Variants in ITGBL1 observed in about 807,000 individuals in gnomAD.
The protein encoded by ITGBL1 is integrin beta-like protein 1.
Under a neutral mutation model 68.5 loss-of-function variants are expected in ITGBL1, and 51 were observed. The observed-to-expected ratio is 0.74, with a 90% CI of 0.59 to 0.94. ITGBL1 has a LOEUF of 0.94. ITGBL1 is among the 40% of genes least tolerant of loss of function. The pLI is 0.00. For missense variants in ITGBL1, 649 were observed against 647.4 expected, an observed-to-expected ratio of 1.00 and a Z score of -0.03; for synonymous variants, 209 against 227.3, an observed-to-expected ratio of 0.92 and a Z score of 0.72.
At chr13:101,554,023 C>T (rs2049964759) in intron 2 of ITGBL1, among the ~76,000 whole-genome samples, 1 of 152,154 alleles carries the variant, frequency 6.6e-6, no homozygotes, top group African/African-American at 2.4e-5. Context: ...ATCCTCCTGT[C>T]TCGGCCTCCC....
chr13:101,699,326 T>C (rs755408481), intron 8 of ITGBL1, among the ~76,000 whole-genome samples: 1 of 152,176 alleles, frequency 6.6e-6, no homozygotes, highest in Non-Finnish European at 1.5e-5. Context: ...GAACCCCATC[T>C]CTCTCTTCTG....
At chr13:101,610,379 G>A (rs1424863854) in intron 7 of ITGBL1, among the ~76,000 whole-genome samples, 2 of 152,074 alleles carry the variant, frequency 1.3e-5, no homozygotes, top group Non-Finnish European at 2.9e-5. Flanking sequence ...CAGAACCTGC[G>A]ATGCCCCTCT....
chr13:101,709,387 AAAAAAAAAAAAG>A (rs2034354027), intron 9 of ITGBL1, among the ~76,000 whole-genome samples: 1 of 149,340 alleles, frequency 6.7e-6, no homozygotes, highest in African/African-American at 2.5e-5. Flanking sequence ...AAAAAAAAAA[AAAAAAAAAAAAG>A]AAAAGCAGGA....
chr13:101,696,536 C>A (rs2139565063), intron 8 of ITGBL1, among the ~76,000 whole-genome samples: 1 of 152,228 alleles, frequency 6.6e-6, no homozygotes, highest in East Asian at 1.9e-4. Context: ...TCTCCTAGTC[C>A]TTATTGTCAC....
chr13:101,641,598 C>A (rs1170426634), intron 7 of ITGBL1, among the ~76,000 whole-genome samples: 6 of 148,424 alleles, frequency 4.0e-5, no homozygotes, highest in African/African-American at 1.5e-4. Context: ...TTTTAGGGTA[C>A]ATGTGCACAA....
At chr13:101,656,791 A>G (rs114194686) in intron 7 of ITGBL1, among the ~76,000 whole-genome samples, 131 of 152,276 alleles carry the variant, frequency 8.6e-4, no homozygotes, top group African/African-American at 2.8e-3. Flanking sequence ...TTGCAGCTCC[A>G]AGTCTACATC....
intron 8 of ITGBL1, among the ~76,000 whole-genome samples, chr13:101,695,032 G>T (rs1307211091): frequency 6.6e-6 from 1 of 152,170 alleles, no homozygotes. Context: ...TTATGGTTGA[G>T]CGTGAAGGGA....
intron 7 of ITGBL1, among the ~76,000 whole-genome samples, chr13:101,646,313 A>G (rs2032558027): frequency 6.8e-6 from 1 of 147,274 alleles, no homozygotes; most frequent in African/African-American, 2.7e-5. Context: ...GTTGTATTTC[A>G]GTTAAAAAAA....
intron 7 of ITGBL1, among the ~76,000 whole-genome samples, chr13:101,600,881 A>G (rs1316009801): frequency 6.6e-6 from 1 of 152,106 alleles, no homozygotes; most frequent in Non-Finnish European, 1.5e-5. Context: ...TTCATCAGGG[A>G]TATTGGTCTA....
Position 101,700,038 on chromosome 13 carries a change from C to A in ITGBL1, c.1133-6718C>A, listed in dbSNP as rs527804501. ...TGGGGTCCCCAAGACTAATTTCTCCCTGGATAGCTGCTTCACTTCTAGGGC... is the reference window on the plus strand; with the variant it reads ...TGGGGTCCCCAAGACTAATTTCTCCATGGATAGCTGCTTCACTTCTAGGGC... On this transcript the variant is annotated intron_variant, in intron 8 of 10. Transcript: ENST00000376180. Among the ~76,000 whole-genome samples, 5 of 152,312 alleles carry A rather than the reference C, an allele frequency of 3.3e-5. No individual in the cohort carries two copies. The East Asian group carries it at 9.6e-4, about 29-fold the overall frequency.
chr13:101,555,606 C>G (rs143097982), intron 2 of ITGBL1, among the ~76,000 whole-genome samples: 1 of 152,022 alleles, frequency 6.6e-6, no homozygotes, highest in Non-Finnish European at 1.5e-5. Context: ...ACAGACAACG[C>G]ACACAAGAAA....
intron 7 of ITGBL1, among the ~76,000 whole-genome samples, chr13:101,680,145 G>A (rs992955025): frequency 6.6e-6 from 1 of 152,162 alleles, no homozygotes; most frequent in African/African-American, 2.4e-5. Context: ...GAAGATTACT[G>A]TATTCGCACA....
At chr13:101,642,616 T>G (rs964661406) in intron 7 of ITGBL1, among the ~76,000 whole-genome samples, 35 of 152,020 alleles carry the variant, frequency 2.3e-4, no homozygotes, top group Non-Finnish European at 4.6e-4. Context: ...GCTTTTGGTG[T>G]TTTAGACATG....
intron 7 of ITGBL1, among the ~76,000 whole-genome samples, chr13:101,663,875 G>A (rs1235577839): frequency 6.6e-6 from 1 of 152,058 alleles, no homozygotes; most frequent in Non-Finnish European, 1.5e-5. Context: ...TTTCTTACTT[G>A]AACTACATTA....
At chr13:101,526,045 T>C (rs2049371162) in intron 2 of ITGBL1, among the ~76,000 whole-genome samples, 1 of 152,084 alleles carries the variant, frequency 6.6e-6, no homozygotes, top group Admixed American at 6.6e-5. Context: ...AAGAAGTCTG[T>C]TTCACTCTTA....
At chr13:101,528,830 C>T (rs1015918371) in intron 2 of ITGBL1, among the ~76,000 whole-genome samples, 1 of 151,690 alleles carries the variant, frequency 6.6e-6, no homozygotes, top group African/African-American at 2.4e-5. Flanking sequence ...AATATTTAGG[C>T]CCAATCCCAT....
intron 5 of ITGBL1, 49 bp downstream of exon 5, chr13:101,579,476 T>A (rs1301699500): frequency 4.4e-6 from 7 of 1,580,550 alleles, no homozygotes; most frequent in Non-Finnish European, 6.0e-6. Flanking sequence ...AAACAAAGCT[T>A]TTAATTGTTA....
intron 2 of ITGBL1, among the ~76,000 whole-genome samples, chr13:101,538,054 T>A (rs1383395800): frequency 6.6e-6 from 1 of 152,054 alleles, no homozygotes; most frequent in African/African-American, 2.4e-5. Context: ...TTAGGATAAA[T>A]AAGTTATTTG....
chr13:101,710,293 C>T (rs576336934), intron 9 of ITGBL1, among the ~76,000 whole-genome samples: 3 of 152,270 alleles, frequency 2.0e-5, no homozygotes, highest in South Asian at 2.1e-4. Flanking sequence ...AGCAGCTGAT[C>T]GTGATCTCCC....
Sources: gnomAD v4.1 joint callset for allele counts (sites outside exome capture counted in the v4.1 genomes callset) on GRCh38, gnomAD v4.1.1 for gene constraint, MANE v1.5 for transcripts, NCBI Gene and HGNC (gene_info 2026-07-23, HGNC 2026-07-21) for gene names.